Variants in WAPL observed in about 807,000 individuals in gnomAD.
WAPL encodes wings apart-like protein homolog.
WAPL carries 5 observed loss-of-function variants against 121.0 expected under a neutral mutation model. The observed-to-expected ratio is 0.04, with a 90% confidence interval of 0.02 to 0.09. The LOEUF is 0.09. WAPL is among the 10% of genes least tolerant of loss of function. The probability of loss-of-function intolerance (pLI) is 1.00; values close to 1 mark genes in which losing one functional copy is unlikely to be tolerated. For synonymous variants in WAPL, 480 were observed against 481.5 expected (o/e 1.00, Z 0.04); for missense variants, 999 against 1,410.8 (o/e 0.71, Z 4.68).
At chr10:86,470,679 C>T (rs1388917477) in intron 8 of WAPL, among the ~76,000 whole-genome samples, 1 of 152,188 alleles carries the variant, frequency 6.6e-6, no homozygotes, top group Non-Finnish European at 1.5e-5. Flanking sequence ...AGATTCTTCT[C>T]AGTGCTTTCT....
intron 2 of WAPL, among the ~76,000 whole-genome samples, chr10:86,503,363 T>C (rs7070233): frequency 0.12 from 17,628 of 152,098 alleles, 1,198 homozygotes; most frequent in Middle Eastern, 0.17. Context: ...TGAAATACAG[T>C]TGAGGCAACT....
chr10:86,457,428 G>C (rs573429094), intron 12 of WAPL, among the ~76,000 whole-genome samples: 2 of 152,008 alleles, frequency 1.3e-5, no homozygotes, highest in African/African-American at 4.8e-5. Flanking sequence ...CAAGGCGGGT[G>C]GATCACCTGA....
chr10:86,437,229 T>C lies in WAPL; in HGVS notation c.*314A>G, dbSNP rs183468914. The stretch of plus-strand genomic sequence containing the variant: ...GCAGCACAAATTTTCCCCTTCAAAC[T>C]TGCCCAGAATAAAGCAAGAAAACAA... On this transcript the variant is annotated 3_prime_UTR_variant, in exon 19 of 19. Coordinates refer to ENST00000298767, the MANE Select transcript of WAPL (RefSeq NM_015045.5). 4.9e-5 allele frequency: 12 copies of C among 245,306 alleles called. No individual in the cohort carries two copies. Among genetic ancestry groups the C allele is most frequent in the East Asian group, 4.1e-4 (4 of 9,716 alleles). 15.2% of individuals were successfully genotyped at this position (245,306 alleles called of 1,614,324 possible). A position where few individuals can be genotyped will look rare whatever the true frequency, so the allele number is the denominator to read the frequency against.
chr10:86,506,652 T>G (rs1842355589), intron 2 of WAPL, among the ~76,000 whole-genome samples: 1 of 151,476 alleles, frequency 6.6e-6, no homozygotes, highest in Admixed American at 6.6e-5. Context: ...CAGCCAGGAG[T>G]GGTGGCACGT....
At chr10:86,504,582 C>T (rs1489586431) in intron 2 of WAPL, among the ~76,000 whole-genome samples, 9 of 149,648 alleles carry the variant, frequency 6.0e-5, no homozygotes. Flanking sequence ...GAGGCTGAGG[C>T]AGAAGAATCG....
At chr10:86,477,621 G>A (rs1337091557) in intron 4 of WAPL, among the ~76,000 whole-genome samples, 1 of 152,058 alleles carries the variant, frequency 6.6e-6, no homozygotes, top group Non-Finnish European at 1.5e-5. Flanking sequence ...TAACCAACAT[G>A]GTGAAATCCC....
intron 12 of WAPL, among the ~76,000 whole-genome samples, chr10:86,456,568 CATTATAT>C (rs1464268503): frequency 3.9e-5 from 6 of 152,318 alleles, no homozygotes; most frequent in Non-Finnish European, 5.9e-5. Flanking sequence ...ATTCTTCATG[CATTATAT>C]ATCACACAAA....
chr10:86,475,828 C>T (rs1841638052), intron 4 of WAPL, among the ~76,000 whole-genome samples: 1 of 152,184 alleles, frequency 6.6e-6, no homozygotes, highest in South Asian at 2.1e-4. Flanking sequence ...GCTCTGGTAA[C>T]AACAGCCTTT....
At chr10:86,450,404 T>C (rs918988249) in intron 15 of WAPL, among the ~76,000 whole-genome samples, 1 of 152,102 alleles carries the variant, frequency 6.6e-6, no homozygotes, top group Non-Finnish European at 1.5e-5. Context: ...CTCAACCAAC[T>C]GTTTTATTTT....
At chr10:86,445,261 A>G (rs551855155) in intron 16 of WAPL, among the ~76,000 whole-genome samples, 41 of 152,352 alleles carry the variant, frequency 2.7e-4, no homozygotes, top group African/African-American at 9.6e-4. Context: ...TGTAAATGTT[A>G]TGTAAATAGC....
chr10:86,505,098 G>C (rs1482472720), intron 2 of WAPL, among the ~76,000 whole-genome samples: 2 of 151,568 alleles, frequency 1.3e-5, no homozygotes, highest in African/African-American at 4.8e-5. Flanking sequence ...ATGTAGTACA[G>C]AATTATTTTT....
intron 2 of WAPL, among the ~76,000 whole-genome samples, chr10:86,509,783 G>A (rs1327462360): frequency 1.2e-5 from 1 of 85,434 alleles, no homozygotes; most frequent in African/African-American, 4.3e-5. Flanking sequence ...TTTTTTTTTT[G>A]AGACAGAGTC....
intron 17 of WAPL, 108 bp from the exon 18 acceptor site, chr10:86,438,123 C>A: frequency 1.4e-6 from 1 of 692,748 alleles, no homozygotes; most frequent in Non-Finnish European, 2.5e-6. Flanking sequence ...TTTTTAAGAT[C>A]CTTGGAACAC....
chr10:86,494,057 T>G (rs567958754), intron 4 of WAPL, among the ~76,000 whole-genome samples: 1 of 152,306 alleles, frequency 6.6e-6, no homozygotes, highest in East Asian at 1.9e-4. Context: ...GACATTTGTA[T>G]GGATGGTGCA....
At chr10:86,507,358 T>A (rs1460165007) in intron 2 of WAPL, among the ~76,000 whole-genome samples, 1 of 101,074 alleles carries the variant, frequency 9.9e-6, no homozygotes, top group Non-Finnish European at 2.1e-5. Flanking sequence ...TCAGCGAGAC[T>A]CTGTCTCAAA....
chr10:86,444,393 GA>G (rs1849549474), intron 16 of WAPL, among the ~76,000 whole-genome samples: 1 of 152,154 alleles, frequency 6.6e-6, no homozygotes, highest in Non-Finnish European at 1.5e-5. Flanking sequence ...AAAACTTGTA[GA>G]TAACTGTTCA....
In WAPL at chr10:86,471,254, C is replaced by T. The variant is rs567530124; in HGVS notation, c.2031-151G>A. The T allele has an allele frequency of 1.1e-5, 6 of 543,788 alleles. No homozygotes were observed. The Admixed American group carries it at 2.0e-4, about 18-fold the overall frequency. The allele number at this position is 543,788 out of a possible 1,614,324, so 33.7% of individuals were successfully genotyped here. On this transcript the variant is annotated intron_variant, in intron 7 of 18. Transcript: ENST00000298767. ...CACAATATAAAAACCATAGGCAAAA[C>T]ACATTATTAAAAATATACTGATGCC...
Position 86,472,624 on chromosome 10 carries a change from T to C in WAPL, c.1881A>G (p.Arg627=). ...TATGGCTGCTTACTTCTTTGTCTTC[T>C]CGTCTGCATTTCAGTGCAGTAACTA... ...QDIVTALKCR[R]EDKELYTVVQ... The change falls in exon 6 of 19, where the codon CGA becomes CGG. Residue 627 remains arginine (R), a synonymous_variant. Coordinates refer to ENST00000298767, the MANE Select transcript of WAPL (RefSeq NM_015045.5). This position sits in a 1 kb window ranked among gnomAD's most constrained non-coding sequence, Gnocchi z 4.2. The C allele has an allele frequency of 6.2e-7, 1 of 1,613,548 alleles. No individual in the cohort carries two copies. The highest frequency in any genetic ancestry group is 8.5e-7 in the Non-Finnish European group (1 of 1,179,800).
At position 86,446,238 on chromosome 10, in the gene WAPL, A is replaced by G. The variant is rs758488958; in HGVS notation, c.3322+4T>C. ...TTTAAATACACCATTCAAAGTAAAT[A>G]TACCTTTATTGAGGTCAAGTTCTTC... On this transcript the variant is annotated splice_donor_region_variant and intron_variant, in intron 16 of 18. Coordinates refer to ENST00000298767, the MANE Select transcript of WAPL (RefSeq NM_015045.5). 1.9e-6 allele frequency: 3 copies of G among 1,613,846 alleles called. No individual in the cohort carries two copies. Among genetic ancestry groups the G allele is most frequent in the Non-Finnish European group, 1.7e-6 (2 of 1,179,778 alleles).
Sources: gnomAD v4.1 joint callset for allele counts (sites outside exome capture counted in the v4.1 genomes callset) on GRCh38, gnomAD v4.1.1 for gene constraint, Gnocchi (gnomAD v3.1) non-coding constraint, MANE v1.5 for transcripts, NCBI Gene and HGNC (gene_info 2026-07-23, HGNC 2026-07-21) for gene names.